Variants in TRERF1 observed in about 807,000 individuals in gnomAD.
TRERF1 encodes transcriptional-regulating factor 1.
In TRERF1, 27 loss-of-function variants were observed where a neutral mutation model predicts 122.9. That is an observed-to-expected ratio of 0.22 (90% CI 0.16 to 0.30). TRERF1 has a LOEUF of 0.30. Among genes scored for constraint, TRERF1 ranks in the 10% least tolerant of loss-of-function variants. The probability of loss-of-function intolerance (pLI) is 1.00; values close to 1 mark genes in which losing one functional copy is unlikely to be tolerated. For missense variants in TRERF1, 1,248 were observed against 1,560.3 expected (o/e 0.80, Z 3.37); for synonymous variants, 636 against 641.7 (o/e 0.99, Z 0.13).
intron 9 of TRERF1, among the ~76,000 whole-genome samples, chr6:42,258,584 C>CT (rs1209246820): frequency 1.3e-5 from 2 of 152,114 alleles, no homozygotes; most frequent in African/African-American, 2.4e-5. Flanking sequence ...AGTACATTTT[C>CT]TTTTTTTTGA....
chr6:42,387,551 G>T (rs1257859361), intron 2 of TRERF1, among the ~76,000 whole-genome samples: 1 of 152,196 alleles, frequency 6.6e-6, no homozygotes, highest in Non-Finnish European at 1.5e-5. Context: ...TTAATGACAA[G>T]GTGGTTTTCT....
At chr6:42,292,142 G>C (rs563848129) in intron 4 of TRERF1, among the ~76,000 whole-genome samples, 1 of 152,202 alleles carries the variant, frequency 6.6e-6, no homozygotes, top group African/African-American at 2.4e-5. Context: ...GGGAGGACTC[G>C]AGCAGTCTCA....
chr6:42,375,606 A>G (rs1374404120), intron 2 of TRERF1, among the ~76,000 whole-genome samples: 1 of 152,220 alleles, frequency 6.6e-6, no homozygotes, highest in Non-Finnish European at 1.5e-5. Flanking sequence ...CGATTAAGAC[A>G]AAAGTCTCAG....
chr6:42,339,661 C>T (rs1243802837), intron 3 of TRERF1, among the ~76,000 whole-genome samples: 1 of 152,190 alleles, frequency 6.6e-6, no homozygotes, highest in Non-Finnish European at 1.5e-5. Context: ...CCTTGAATTT[C>T]ATAGCAGGTA....
chr6:42,282,162 A>C (rs1782415045), intron 4 of TRERF1, among the ~76,000 whole-genome samples: 1 of 152,218 alleles, frequency 6.6e-6, no homozygotes, highest in African/African-American at 2.4e-5. Context: ...AGAAAAGCCA[A>C]AGACTGAAAA....
intron 2 of TRERF1, among the ~76,000 whole-genome samples, chr6:42,399,703 A>T (rs1233859215): frequency 6.6e-6 from 1 of 152,174 alleles, no homozygotes. Flanking sequence ...CCAGAACTTG[A>T]CCATGGGGAA....
At chr6:42,315,717 C>CCA (rs1554164214) in intron 3 of TRERF1, among the ~76,000 whole-genome samples, 2 of 145,064 alleles carry the variant, frequency 1.4e-5, no homozygotes, top group East Asian at 4.1e-4. Flanking sequence ...CCCCCCCCCC[C>CCA]ACCCACTGCC....
At position 42,268,509 on chromosome 6, in the gene TRERF1, T is replaced by C. The variant is rs768079660; in HGVS notation, c.1082A>G (p.Glu361Gly). 5 of 1,613,688 alleles carry C rather than the reference T, an allele frequency of 3.1e-6. No homozygotes were observed. The highest frequency in any genetic ancestry group is 1.3e-5 in the African/African-American group (1 of 74,870). ...AATCAGCTGGACAGTGTGTGCCTGC[T>C]CTGGGGTATACTGGTGAGGGTCCCT... Residue 361 changes from glutamate to glycine, a missense_variant, in exon 5 of 18, where the codon GAG (glutamate) becomes GGG (glycine). By Grantham distance (98) the Glu-to-Gly change is moderately conservative. This residue lies in a region of TRERF1 where 946 missense variants were observed against 1,073.0 expected (regional missense o/e 0.88). Coordinates refer to ENST00000372922, the Ensembl canonical transcript of TRERF1. This position sits in a 1 kb window ranked among gnomAD's most constrained non-coding sequence, Gnocchi z 4.4.
intron 2 of TRERF1, among the ~76,000 whole-genome samples, chr6:42,430,857 C>T (rs921021165): frequency 8.0e-5 from 12 of 149,966 alleles, no homozygotes; most frequent in African/African-American, 2.7e-4. Context: ...GATTGTGCCA[C>T]TGCACTCCAG....
chr6:42,435,613 T>C (rs1165666341), intron 2 of TRERF1, among the ~76,000 whole-genome samples: 1 of 152,068 alleles, frequency 6.6e-6, no homozygotes, highest in Admixed American at 6.6e-5. Context: ...AGGATATTTA[T>C]CAAAGTATTA....
At chr6:42,408,075 G>A (rs557891218) in intron 2 of TRERF1, among the ~76,000 whole-genome samples, 2 of 151,618 alleles carry the variant, frequency 1.3e-5, no homozygotes, top group East Asian at 3.9e-4. Flanking sequence ...TCCTATGCCT[G>A]GGTTATTTCA....
chr6:42,299,349 C>G (rs1287114040), intron 4 of TRERF1, among the ~76,000 whole-genome samples: 1 of 151,938 alleles, frequency 6.6e-6, no homozygotes, highest in Non-Finnish European at 1.5e-5. Flanking sequence ...ATACCTCAAC[C>G]TAAAAGAAAG....
chr6:42,333,998 T>TAC (rs3997687), intron 3 of TRERF1, among the ~76,000 whole-genome samples: 95,776 of 146,956 alleles, frequency 0.65, 32,756 homozygotes, highest in Non-Finnish European at 0.76. Flanking sequence ...ACACATACAC[T>TAC]ACACACACAC....
At chr6:42,274,547 T>G (rs527984973) in intron 4 of TRERF1, among the ~76,000 whole-genome samples, 23 of 152,048 alleles carry the variant, frequency 1.5e-4, no homozygotes, top group Admixed American at 1.4e-3. Context: ...GGCGTGGTGG[T>G]GCACCCCTGT....
chr6:42,311,206 G>T (rs1195763297), intron 3 of TRERF1, among the ~76,000 whole-genome samples: 1 of 152,198 alleles, frequency 6.6e-6, no homozygotes, highest in East Asian at 1.9e-4. Context: ...GTCATGGCAG[G>T]TATGATGAAT....
intron 3 of TRERF1, among the ~76,000 whole-genome samples, chr6:42,301,000 C>G (rs554302987): frequency 1.3e-5 from 2 of 150,202 alleles, no homozygotes; most frequent in South Asian, 2.1e-4. Context: ...ACTTAGGAAA[C>G]AGAGAGAGAG....
intron 2 of TRERF1, among the ~76,000 whole-genome samples, chr6:42,372,761 A>T (rs992829363): frequency 1.3e-5 from 2 of 152,186 alleles, no homozygotes; most frequent in African/African-American, 2.4e-5. Flanking sequence ...GTCTCAAAAA[A>T]TGGGTTCAAT....
At chr6:42,447,417 A>C (rs1038211460) in intron 2 of TRERF1, among the ~76,000 whole-genome samples, 2 of 152,228 alleles carry the variant, frequency 1.3e-5, no homozygotes, top group African/African-American at 4.8e-5. Context: ...CACGCCAGTA[A>C]CTGGAATCCA....
intron 2 of TRERF1, among the ~76,000 whole-genome samples, chr6:42,410,311 A>AT (rs971207732): frequency 5.3e-5 from 8 of 149,570 alleles, no homozygotes; most frequent in African/African-American, 9.8e-5. Flanking sequence ...TGCCTGGCTA[A>AT]TTTTTTTTTT....
Sources: allele counts gnomAD v4.1 joint callset (sites outside exome capture counted in the v4.1 genomes callset), GRCh38; gene constraint gnomAD v4.1.1; regional missense constraint gnomAD v4.1.1; non-coding constraint Gnocchi (gnomAD v3.1); transcripts MANE v1.5; gene names NCBI Gene and HGNC (gene_info 2026-07-23, HGNC 2026-07-21).